Variants in ESRRB observed in about 807,000 individuals in gnomAD.
ESRRB encodes estrogen related receptor beta, also known as steroid hormone receptor ERR2.
Under a neutral mutation model 46.0 loss-of-function variants are expected in ESRRB, and 16 were observed. That is an observed-to-expected ratio of 0.35 (90% CI 0.24 to 0.53). ESRRB has a LOEUF of 0.53. Ranked by LOEUF, ESRRB falls within the 20% of genes least tolerant of loss-of-function variation. The pLI is 0.93. For missense variants in ESRRB, 488 were observed against 607.4 expected (o/e 0.80, Z 2.07); for synonymous variants, 246 against 259.6 (o/e 0.95, Z 0.50).
intron 1 of ESRRB, among the ~76,000 whole-genome samples, chr14:76,392,089 G>A (rs931714542): frequency 6.6e-6 from 1 of 152,244 alleles, no homozygotes; most frequent in African/African-American, 2.4e-5. Flanking sequence ...TGTAACTGCA[G>A]TACTTAGCGG....
At chr14:76,475,565 C>T (rs944267498) in intron 3 of ESRRB, among the ~76,000 whole-genome samples, 9 of 152,192 alleles carry the variant, frequency 5.9e-5, no homozygotes, top group African/African-American at 2.2e-4. Context: ...CATCTATCCA[C>T]GGACACTTGG....
At chr14:76,311,022 A>G (rs931801245) in intron 1 of ESRRB, 2 of 291,286 alleles carry the variant, frequency 6.9e-6, no homozygotes, top group Non-Finnish European at 1.3e-5. Context: ...CTCTCTCTCA[A>G]TGGATAAAAA....
At position 76,500,139 on chromosome 14, in the gene ESRRB, T is replaced by G; in HGVS notation, c.*1681T>G. 1.5e-6 allele frequency: 2 copies of G among 1,308,188 alleles called. No homozygotes were observed. The highest frequency in any genetic ancestry group is 2.1e-6 in the Non-Finnish European group (2 of 944,750). 81.0% of individuals were successfully genotyped at this position (1,308,188 alleles called of 1,614,324 possible). A position where few individuals can be genotyped will look rare whatever the true frequency, so the allele number is the denominator to read the frequency against. On this transcript the variant is annotated 3_prime_UTR_variant, in exon 7 of 7. Coordinates refer to ENST00000644823, the MANE Select transcript of ESRRB (RefSeq NM_001379180.1). Reference sequence around the variant, plus strand: ...GCTCTACCCCAGGAACCTCCCGGCCTGGGCTTCTGGGCTGGGACGTGCTGA... The same window carrying G: ...GCTCTACCCCAGGAACCTCCCGGCCGGGGCTTCTGGGCTGGGACGTGCTGA...
chr14:76,415,486 C>A (rs1371040470), intron 1 of ESRRB, among the ~76,000 whole-genome samples: 1 of 151,996 alleles, frequency 6.6e-6, no homozygotes, highest in Non-Finnish European at 1.5e-5. Flanking sequence ...GTGGTAAAAC[C>A]CTGTCTCTAC....
chr14:76,470,088 C>T (rs1425003805), intron 3 of ESRRB, among the ~76,000 whole-genome samples: 1 of 151,738 alleles, frequency 6.6e-6, no homozygotes, highest in African/African-American at 2.4e-5. Flanking sequence ...GCTGCTATTA[C>T]AGGCATGCAT....
At chr14:76,366,166 C>T (rs1398491609) in intron 1 of ESRRB, among the ~76,000 whole-genome samples, 1 of 152,082 alleles carries the variant, frequency 6.6e-6, no homozygotes, top group Non-Finnish European at 1.5e-5. Context: ...GGGGTGAACA[C>T]GTGACTGGAG....
At chr14:76,335,565 C>T (rs952783388) in intron 1 of ESRRB, among the ~76,000 whole-genome samples, 1 of 152,186 alleles carries the variant, frequency 6.6e-6, no homozygotes, top group African/African-American at 2.4e-5. Context: ...ACAGAGTGTA[C>T]AGTTAGGTGA....
At chr14:76,311,975 A>G (rs1290774070) in intron 1 of ESRRB, among the ~76,000 whole-genome samples, 7 of 72,222 alleles carry the variant, frequency 9.7e-5, no homozygotes, top group Non-Finnish European at 2.0e-4. Flanking sequence ...CTACATTTTG[A>G]AAAAAAAAAA....
At chr14:76,353,742 A>C (rs1340743585) in intron 1 of ESRRB, among the ~76,000 whole-genome samples, 1 of 152,112 alleles carries the variant, frequency 6.6e-6, no homozygotes, top group Non-Finnish European at 1.5e-5. Flanking sequence ...GCTTGAGCCC[A>C]GGGGTTTGAG....
intron 1 of ESRRB, among the ~76,000 whole-genome samples, chr14:76,433,165 G>A (rs567568408): frequency 1.3e-5 from 2 of 152,082 alleles, no homozygotes; most frequent in Non-Finnish European, 2.9e-5. Flanking sequence ...AAAATATGAC[G>A]TCAGTGGGAT....
intron 2 of ESRRB, among the ~76,000 whole-genome samples, chr14:76,450,622 G>C (rs982853214): frequency 2.6e-5 from 4 of 151,540 alleles, no homozygotes; most frequent in African/African-American, 9.7e-5. Context: ...CCAGATGCAG[G>C]CTTGGAAGAA....
intron 1 of ESRRB, among the ~76,000 whole-genome samples, chr14:76,339,396 A>G (rs7146132): frequency 0.36 from 54,725 of 152,084 alleles, 9,916 homozygotes; most frequent in African/African-American, 0.39. Context: ...ACAAAGGGCC[A>G]GGCACATGGT....
intron 1 of ESRRB, among the ~76,000 whole-genome samples, chr14:76,431,766 T>C (rs753478020): frequency 6.6e-6 from 1 of 152,128 alleles, no homozygotes; most frequent in African/African-American, 2.4e-5. Context: ...TCCCTCCCCA[T>C]GAAGAGTCAA....
chr14:76,459,488 A>G (rs540241258), intron 2 of ESRRB, among the ~76,000 whole-genome samples: 147 of 142,282 alleles, frequency 1.0e-3, no homozygotes, highest in African/African-American at 3.5e-3. Flanking sequence ...CTAGGAGACC[A>G]TGGAGTTCCA....
intron 1 of ESRRB, among the ~76,000 whole-genome samples, chr14:76,407,023 A>G (rs1192860267): frequency 1.3e-5 from 2 of 152,240 alleles, no homozygotes; most frequent in East Asian, 1.9e-4. Flanking sequence ...GAACAAATGA[A>G]TAAATGAATC....
At chr14:76,432,124 A>G (rs556584370) in intron 1 of ESRRB, among the ~76,000 whole-genome samples, 1 of 152,094 alleles carries the variant, frequency 6.6e-6, no homozygotes, top group African/African-American at 2.4e-5. Context: ...CATACTTCTA[A>G]GTCAGTGGTT....
At chr14:76,433,961 CATTT>C (rs1439345633) in intron 1 of ESRRB, among the ~76,000 whole-genome samples, 6 of 123,620 alleles carry the variant, frequency 4.9e-5, no homozygotes, top group Admixed American at 8.8e-5. Flanking sequence ...CCTGCCTTTA[CATTT>C]TTTTTTTTTT....
intron 3 of ESRRB, among the ~76,000 whole-genome samples, chr14:76,466,797 C>T (rs966332340): frequency 2.6e-5 from 4 of 151,910 alleles, no homozygotes; most frequent in Admixed American, 6.6e-5. Flanking sequence ...GATCTAGGCT[C>T]ACCACACCCT....
rs554650974 is a variant in ESRRB, at chr14:76,494,603, G to A, written c.1120+2887G>A. 7.2e-5 allele frequency among the ~76,000 whole-genome samples: 11 copies of A among 152,226 alleles called. No homozygotes were observed. The South Asian group carries it at 1.0e-3, about 14-fold the overall frequency. On this transcript the variant is annotated intron_variant, in intron 6 of 6. Transcript: ENST00000644823. The stretch of plus-strand genomic sequence containing the variant: ...ATTGCGGGCGTGAGTCACTGCACCC[G>A]GCCGACTGTGTTGTATTGTTCTATA...
Sources: gnomAD v4.1 joint callset for allele counts (sites outside exome capture counted in the v4.1 genomes callset) on GRCh38, gnomAD v4.1.1 for gene constraint, MANE v1.5 for transcripts, NCBI Gene and HGNC (gene_info 2026-07-23, HGNC 2026-07-21) for gene names.